The following LRRFIP2 variants were observed in gnomAD, a reference collection of about 807,000 sequenced individuals.
The protein encoded by LRRFIP2 is LRR binding FLII interacting protein 2.
LRRFIP2 carries 109 observed loss-of-function variants against 125.9 expected under a neutral mutation model. The observed-to-expected ratio is 0.87, with a 90% CI of 0.74 to 1.01. LRRFIP2 has a LOEUF of 1.01. Ranked by LOEUF, LRRFIP2 falls within the 50% of genes least tolerant of loss-of-function variation. The pLI is 0.00. For synonymous variants in LRRFIP2, 291 were observed against 293.1 expected (o/e 0.99, Z 0.07); for missense variants, 850 against 862.3 (o/e 0.99, Z 0.18).
At chr3:37,111,890 TCTCCCTTCTCTC>T in intron 8 of LRRFIP2, 1 of 152,336 alleles carries the variant, frequency 6.6e-6, no homozygotes, top group South Asian at 2.1e-4. Context: ...CCCATTACAT[TCTCCCTTCTCTC>T]CTCCCTTGTA....
rs752714260 is a variant in LRRFIP2, at chr3:37,053,914, G to A, written c.2103C>T (p.Ser701=). The A allele has an allele frequency of 7.4e-6, 12 of 1,614,102 alleles. No individual in the cohort carries two copies. The South Asian group carries it at 1.3e-4, about 18-fold the overall frequency. Residue 701 remains serine (S), a synonymous_variant, in exon 28 of 28, where the codon AGC becomes AGT. Coordinates refer to ENST00000336686, the MANE Select transcript of LRRFIP2 (RefSeq NM_006309.4). ...DKIEEMEMTN[S]HLAKRLEKMK... ...TCTTCTCCAGCCGCTTGGCCAGGTG[G>A]CTGTTGGTCATCTCCATCTCCTCAA...
chr3:37,123,024 G>A (rs956734404), intron 4 of LRRFIP2, among the ~76,000 whole-genome samples: 1 of 152,184 alleles, frequency 6.6e-6, no homozygotes, highest in African/African-American at 2.4e-5. Flanking sequence ...TTTGCAAAAT[G>A]AATCAATGCC....
chr3:37,130,763 A>C (rs2095408107), intron 2 of LRRFIP2, among the ~76,000 whole-genome samples: 1 of 152,132 alleles, frequency 6.6e-6, no homozygotes, highest in South Asian at 2.1e-4. Context: ...CATTTTATTT[A>C]ATAATGGCCC....
At chr3:37,081,098 A>G (rs1022315242) in intron 19 of LRRFIP2, among the ~76,000 whole-genome samples, 1 of 152,124 alleles carries the variant, frequency 6.6e-6, no homozygotes, top group Non-Finnish European at 1.5e-5. Context: ...CCACAAAAAG[A>G]TTTTTAAAAA....
At chr3:37,174,367 G>A (rs897692759) in intron 1 of LRRFIP2, 172 bp downstream of exon 1, 1 of 152,182 alleles carries the variant, frequency 6.6e-6, no homozygotes, top group Non-Finnish European at 1.5e-5. Flanking sequence ...CTAGTTTAAA[G>A]TGAATCCATT....
In LRRFIP2 at chr3:37,108,617, C is replaced by G; in HGVS notation, c.657+20G>C. The G allele has an allele frequency of 2.5e-6, 4 of 1,597,090 alleles. No homozygotes were observed. Among genetic ancestry groups the G allele is most frequent in the Middle Eastern group, 1.7e-4 (1 of 6,024 alleles). On this transcript the variant is annotated intron_variant, in intron 12 of 27. Transcript: ENST00000336686. ...CCCACATTTCCCTCCTCTTCACCAC[C>G]TTCCCCTATTTAGACTTACAGTTCG... is the stretch of plus-strand genomic sequence containing the variant.
Position 37,063,807 on chromosome 3 carries a change from A to G in LRRFIP2, c.1700-16T>C, listed in dbSNP as rs370730470. 9.4e-6 allele frequency: 15 copies of G among 1,601,274 alleles called. No homozygotes were observed. In the African/African-American group the frequency reaches 1.2e-4, roughly 13 times the overall value. On this transcript the variant is annotated splice_polypyrimidine_tract_variant and intron_variant, in intron 23 of 27. Transcript: ENST00000336686. The stretch of plus-strand genomic sequence containing the variant: ...AGCCTTACATCTAAAACAAATGAAA[A>G]AGATCATAAACTAAATATGTGATGA...
chr3:37,110,882 T>C (rs2094523464), intron 9 of LRRFIP2, 109 bp downstream of exon 9: 7 of 877,732 alleles, frequency 8.0e-6, no homozygotes, highest in Non-Finnish European at 1.3e-5. Flanking sequence ...AACTAGTATA[T>C]ACGTAGCCAT....
chr3:37,175,642 T>C (rs2096649817), upstream of LRRFIP2, among the ~76,000 whole-genome samples: 2 of 151,928 alleles, frequency 1.3e-5, no homozygotes, highest in African/African-American at 4.8e-5. Context: ...GAGGAAGAAG[T>C]AAAATTCCCA....
In LRRFIP2 at chr3:37,148,925, T is replaced by C; in HGVS notation, c.59A>G (p.Glu20Gly). ...RTPVKDRFSA[E>G]DEALSNIARE... is the part of the protein sequence containing the mutation. Reference sequence around the variant, plus strand: ...GGCAATGTTACTCAAAGCTTCATCTTCTGCAGAAAATCGGTCTTTCACAGG... The same window carrying C: ...GGCAATGTTACTCAAAGCTTCATCTCCTGCAGAAAATCGGTCTTTCACAGG... The change falls in exon 2 of 28, where the codon GAA (glutamate) becomes GGA (glycine). Residue 20 changes from glutamate (E) to glycine (G), a missense_variant. Coordinates refer to ENST00000336686, the MANE Select transcript of LRRFIP2 (RefSeq NM_006309.4). The C allele has an allele frequency of 6.2e-7, 1 of 1,614,142 alleles. No individual in the cohort carries two copies. Among genetic ancestry groups the C allele is most frequent in the Non-Finnish European group, 8.5e-7 (1 of 1,179,998 alleles).
chr3:37,068,479 T>C (rs887975104), intron 21 of LRRFIP2: 2 of 152,226 alleles, frequency 1.3e-5, no homozygotes, highest in African/African-American at 4.8e-5. Flanking sequence ...GAAAATAAAA[T>C]ACATCCTGTA....
At chr3:37,072,643 G>A (rs920116653) in intron 21 of LRRFIP2, 147 bp downstream of exon 21, 1 of 448,624 alleles carries the variant, frequency 2.2e-6, no homozygotes. Context: ...TTTTCCTATG[G>A]AAGTCTCTGT....
intron 3 of LRRFIP2, among the ~76,000 whole-genome samples, chr3:37,128,062 T>G (rs1481182510): frequency 6.6e-6 from 1 of 152,196 alleles, no homozygotes; most frequent in Non-Finnish European, 1.5e-5. Flanking sequence ...TTATTATATT[T>G]AGTATAATTT....
chr3:37,131,363 T>C (rs973514511), intron 2 of LRRFIP2, among the ~76,000 whole-genome samples: 1 of 152,192 alleles, frequency 6.6e-6, no homozygotes, highest in African/African-American at 2.4e-5. Context: ...CATGTCTCTA[T>C]TGCGGCTTTA....
At position 37,127,551 on chromosome 3, in the gene LRRFIP2, T is replaced by C. The variant is rs115584070; in HGVS notation, c.228+79A>G. 7,889 of 1,426,046 alleles carry C rather than the reference T, an allele frequency of 5.5e-3. 77 individuals carry two copies. Among genetic ancestry groups the C allele is most frequent in the Middle Eastern group, 0.036 (206 of 5,758 alleles). 88.3% of individuals were successfully genotyped at this position (1,426,046 alleles called of 1,614,324 possible). A position where few individuals can be genotyped will look rare whatever the true frequency, so the allele number is the denominator to read the frequency against. ...GGCCAAACACTCCTACTTTGCAAAC[T>C]ATTAGTTAATGTTTTACTTCAAGAC... is the stretch of plus-strand genomic sequence containing the variant. On this transcript the variant is annotated intron_variant, in intron 4 of 27. Coordinates refer to ENST00000336686, the MANE Select transcript of LRRFIP2 (RefSeq NM_006309.4).
At chr3:37,075,866 G>C (rs1270155470) in intron 19 of LRRFIP2, among the ~76,000 whole-genome samples, 1 of 152,032 alleles carries the variant, frequency 6.6e-6, no homozygotes, top group Non-Finnish European at 1.5e-5. Flanking sequence ...GAGCAGAATA[G>C]AGAATTCAGG....
At chr3:37,141,458 G>A (rs1236377922) in intron 2 of LRRFIP2, among the ~76,000 whole-genome samples, 2 of 152,188 alleles carry the variant, frequency 1.3e-5, no homozygotes, top group Admixed American at 6.5e-5. Context: ...ACACCCCGGT[G>A]TCTATAGAGC....
intron 18 of LRRFIP2, among the ~76,000 whole-genome samples, chr3:37,088,949 T>C (rs946519757): frequency 2.0e-5 from 3 of 152,092 alleles, no homozygotes; most frequent in African/African-American, 4.8e-5. Context: ...ACAAGTGCTA[T>C]TGGTTTGGTA....
intron 19 of LRRFIP2, among the ~76,000 whole-genome samples, chr3:37,079,197 T>A (rs892059238): frequency 1.3e-5 from 2 of 152,294 alleles, no homozygotes; most frequent in African/African-American, 4.8e-5. Context: ...CATGAAAATA[T>A]GTTCAAAATC....
Sources: allele counts gnomAD v4.1 joint callset (sites outside exome capture counted in the v4.1 genomes callset), GRCh38; gene constraint gnomAD v4.1.1; transcripts MANE v1.5; gene names NCBI Gene and HGNC (gene_info 2026-07-23, HGNC 2026-07-21).